Variants in PIEZO1 observed in about 807,000 individuals in gnomAD.
PIEZO1 encodes piezo type mechanosensitive ion channel component 1 (Er blood group).
A neutral mutation model predicts 297.2 loss-of-function variants in PIEZO1; 296 were observed. The ratio of observed to expected loss-of-function variants is 1.00; its 90% CI spans 0.91 to 1.10. The LOEUF (loss-of-function observed/expected upper bound fraction) is 1.10, where lower values mean the gene tolerates loss of function less well. PIEZO1 is among the 50% of genes least tolerant of loss of function. The probability of loss-of-function intolerance (pLI) is 0.00; values close to 1 mark genes in which losing one functional copy is unlikely to be tolerated. For synonymous variants in PIEZO1, 2,427 were observed against 1,507.5 expected (o/e 1.61, Z -14.13); for missense variants, 5,018 against 3,455.5 (o/e 1.45, Z -11.34).
In PIEZO1 at chr16:88,741,437, G is replaced by T. The variant is rs778170300; in HGVS notation, c.465+41C>A. 7 of 1,493,466 alleles carry T rather than the reference G, an allele frequency of 4.7e-6. No individual in the cohort carries two copies. The African/African-American group carries it at 9.8e-5, about 21-fold the overall frequency. 92.5% of individuals were successfully genotyped at this position (1,493,466 alleles called of 1,614,324 possible). A position where few individuals can be genotyped will look rare whatever the true frequency, so the allele number is the denominator to read the frequency against. On this transcript the variant is annotated intron_variant, in intron 5 of 50. Transcript: ENST00000301015. ...CAAAATGGCTGAGACCACAGCTCTC[G>T]AATGACCTCCCTGACACACGGGTGA...
rs138679156 is a variant in PIEZO1 at position 88,725,377 on chromosome 16, G to C, written c.4162+39C>G. ...CACGCCAGCAGGCACAGACATGCTG[G>C]ACACGGGGCCCTGGGTGCCCGACTC... On this transcript the variant is annotated intron_variant, in intron 29 of 50. Coordinates refer to ENST00000301015, the MANE Select transcript of PIEZO1 (RefSeq NM_001142864.4). The C allele has an allele frequency of 1.3e-3, 1,609 of 1,223,084 alleles. 8 individuals carry two copies. The Middle Eastern group carries it at 0.014, about 11-fold the overall frequency. 75.8% of individuals were successfully genotyped at this position (1,223,084 alleles called of 1,614,324 possible). A position where few individuals can be genotyped will look rare whatever the true frequency, so the allele number is the denominator to read the frequency against.
intron 1 of PIEZO1, among the ~76,000 whole-genome samples, chr16:88,761,946 C>A (rs1403188121): frequency 1.3e-5 from 2 of 152,204 alleles, no homozygotes; most frequent in Non-Finnish European, 1.5e-5. Flanking sequence ...ACAGAGCAAT[C>A]CCCTGACTCT....
At chr16:88,758,726 T>C (rs1452540032) in intron 1 of PIEZO1, among the ~76,000 whole-genome samples, 2 of 152,342 alleles carry the variant, frequency 1.3e-5, no homozygotes, top group East Asian at 1.9e-4. Flanking sequence ...TCACAACTGC[T>C]GAGATGACCA....
chr16:88,728,418 G>T (rs866684410), intron 22 of PIEZO1, among the ~76,000 whole-genome samples: 1 of 150,248 alleles, frequency 6.7e-6, no homozygotes, highest in African/African-American at 2.5e-5. Context: ...GGGAACCCAG[G>T]ACATGCTGAA....
intron 1 of PIEZO1, among the ~76,000 whole-genome samples, chr16:88,783,103 T>G (rs1214673391): frequency 1.3e-5 from 2 of 152,232 alleles, no homozygotes; most frequent in African/African-American, 2.4e-5. Context: ...ACACGGGGCC[T>G]GGGTGAGCAC....
At chr16:88,765,157 C>T (rs1226187129) in intron 1 of PIEZO1, among the ~76,000 whole-genome samples, 2 of 152,250 alleles carry the variant, frequency 1.3e-5, no homozygotes, top group Non-Finnish European at 2.9e-5. Context: ...TGCCCCAGGG[C>T]CCAGTCACAG....
Position 88,726,393 on chromosome 16 carries a change from A to C in PIEZO1, c.3859T>G (p.Trp1287Gly), listed in dbSNP as rs749496092. 6.4e-7 allele frequency: 1 copy of C among 1,550,500 alleles called. No homozygotes were observed. Among genetic ancestry groups the C allele is most frequent in the South Asian group, 1.2e-5 (1 of 84,068 alleles). ...LLPVEEAGII[W>G]DSVCFFFLLL... ...AGGAAGAAGAAGCAGACGCTGTCCC[A>C]GATGATGCCAGCCTCCTCCACAGGC... is the stretch of plus-strand genomic sequence containing the variant. The change falls in exon 27 of 51, where the codon TGG becomes GGG. Residue 1287 changes from tryptophan (W) to glycine (G), a missense_variant. Transcript: ENST00000301015.
intron 10 of PIEZO1, 24 bp from the exon 11 acceptor site, chr16:88,736,763 C>G (rs746115930): frequency 3.4e-6 from 5 of 1,450,630 alleles, no homozygotes; most frequent in Non-Finnish European, 4.6e-6. Context: ...CAGCGGTCAG[C>G]TTCGGCAGGT....
intron 31 of PIEZO1, among the ~76,000 whole-genome samples, chr16:88,723,604 C>T (rs964783047): frequency 3.3e-5 from 5 of 152,200 alleles, no homozygotes; most frequent in East Asian, 1.9e-4. Context: ...GGTGTTGGGC[C>T]GGTCTCACAG....
intron 1 of PIEZO1, among the ~76,000 whole-genome samples, chr16:88,770,943 C>CCT (rs1907397883): frequency 6.6e-6 from 1 of 152,222 alleles, no homozygotes; most frequent in Non-Finnish European, 1.5e-5. Flanking sequence ...GACTCCCTGC[C>CCT]GTCACATGCC....
At chr16:88,761,171 G>A (rs1185080259) in intron 1 of PIEZO1, among the ~76,000 whole-genome samples, 1 of 152,172 alleles carries the variant, frequency 6.6e-6, no homozygotes, top group Non-Finnish European at 1.5e-5. Flanking sequence ...TGGGACTGGG[G>A]GAACTGTCTC....
At chr16:88,724,328 C>G (rs1047531356) in intron 30 of PIEZO1, among the ~76,000 whole-genome samples, 1 of 151,962 alleles carries the variant, frequency 6.6e-6, no homozygotes, top group African/African-American at 2.4e-5. Flanking sequence ...GTCAGAGGTT[C>G]GAGACCAGCC....
Position 88,725,418 on chromosome 16 carries a change from G to C in PIEZO1, c.4160C>G (p.Pro1387Arg). The stretch of plus-strand genomic sequence containing the variant: ...TGCCCGACTCCAGCTGCACTCACCT[G>C]GCTCCAGGCCGGGGTCCTTGGGGCC... Reference protein sequence around the residue: ...TLGPKDPGLEPGPDSPGGSSP... With the variant: ...TLGPKDPGLERGPDSPGGSSP... The change falls in exon 29 of 51, where the codon CCA becomes CGA. Residue 1387 changes from proline (P) to arginine (R), a missense_variant and splice_region_variant. Coordinates refer to ENST00000301015, the MANE Select transcript of PIEZO1 (RefSeq NM_001142864.4). 1 of 1,449,938 alleles carries C rather than the reference G, an allele frequency of 6.9e-7. No individual in the cohort carries two copies. Among genetic ancestry groups the C allele is most frequent in the Non-Finnish European group, 9.1e-7 (1 of 1,099,954 alleles). The allele number at this position is 1,449,938 out of a possible 1,614,324, so 89.8% of individuals were successfully genotyped here.
At position 88,725,360 on chromosome 16, in the gene PIEZO1, C is replaced by G. The variant is rs938698483; in HGVS notation, c.4162+56G>C. ...TGGGCACAGACGCAGCACACGCCAG[C>G]AGGCACAGACATGCTGGACACGGGG... On this transcript the variant is annotated intron_variant, in intron 29 of 50. Transcript: ENST00000301015. 7 of 1,075,858 alleles carry G rather than the reference C, an allele frequency of 6.5e-6. No individual in the cohort carries two copies. In the African/African-American group the frequency reaches 8.0e-5, roughly 12 times the overall value. 66.6% of individuals were successfully genotyped at this position (1,075,858 alleles called of 1,614,324 possible).
Position 88,725,461 on chromosome 16 carries a change from G to T in PIEZO1, c.4117C>A (p.Arg1373Ser), listed in dbSNP as rs980052704. ...TTGGGGCCCAGGGTGTCCTGGGGGC[G>T]ACTGCGGTCCACCCGGCCCTGCCTG... The part of the protein sequence containing the change: ...KHRQGRVDRS[R>S]PQDTLGPKDP... The change falls in exon 29 of 51, where the codon CGC (arginine) becomes AGC (serine). Residue 1373 changes from arginine to serine, a missense_variant. Arg to Ser is a moderately radical substitution (Grantham distance 110). Coordinates refer to ENST00000301015, the MANE Select transcript of PIEZO1 (RefSeq NM_001142864.4). 12 of 1,505,886 alleles carry T rather than the reference G, an allele frequency of 8.0e-6. No homozygotes were observed. The East Asian group carries it at 2.2e-4, about 28-fold the overall frequency. The allele number at this position is 1,505,886 out of a possible 1,614,324, so 93.3% of individuals were successfully genotyped here.
At chr16:88,719,529 C>T (rs1265321019) in intron 44 of PIEZO1, 45 bp downstream of exon 44, 5 of 1,515,192 alleles carry the variant, frequency 3.3e-6, no homozygotes, top group Admixed American at 2.0e-5. Flanking sequence ...AGGGAGAGGG[C>T]ATATCCCTGG....
Position 88,716,423 on chromosome 16 carries a change from G to T in PIEZO1, c.6987C>A (p.Ala2329=). 1 of 1,549,786 alleles carries T rather than the reference G, an allele frequency of 6.5e-7. No homozygotes were observed. Among genetic ancestry groups the T allele is most frequent in the Non-Finnish European group, 8.7e-7 (1 of 1,146,702 alleles). ...GCTGCCGCCGTGCAGTGCTGTTGGG[G>T]GCCAGGGCCAGCATGTGCTTCTCGT... The part of the protein sequence containing the change: ...YANEKHMLAL[A]PNSTARRQLA... Residue 2329 remains alanine (A), a synonymous_variant, in exon 48 of 51, where the codon GCC becomes GCA. Coordinates refer to ENST00000301015, the MANE Select transcript of PIEZO1 (RefSeq NM_001142864.4).
At chr16:88,748,082 C>G (rs2142859232) in intron 2 of PIEZO1, among the ~76,000 whole-genome samples, 1 of 152,354 alleles carries the variant, frequency 6.6e-6, no homozygotes, top group Middle Eastern at 3.4e-3. Flanking sequence ...AGTCACGCCC[C>G]CTGGTCCTGC....
intron 31 of PIEZO1, among the ~76,000 whole-genome samples, chr16:88,723,663 G>A (rs950019565): frequency 3.9e-5 from 6 of 152,268 alleles, no homozygotes; most frequent in Non-Finnish European, 7.3e-5. Flanking sequence ...AGCCAAGACC[G>A]TGGGGCAGCA....
Sources: allele counts gnomAD v4.1 joint callset (sites outside exome capture counted in the v4.1 genomes callset), GRCh38; gene constraint gnomAD v4.1.1; transcripts MANE v1.5; gene names NCBI Gene and HGNC (gene_info 2026-07-23, HGNC 2026-07-21).